Variants in C2orf76 observed in about 807,000 individuals in gnomAD.
C2orf76 encodes the protein chromosome 2 open reading frame 76.
A neutral mutation model predicts 16.9 loss-of-function variants in C2orf76; 23 were observed. The ratio of observed to expected loss-of-function variants is 1.36; its 90% CI spans 0.98 to 1.93. The LOEUF (loss-of-function observed/expected upper bound fraction) is 1.93. Ranked by LOEUF, C2orf76 falls within the 30% of genes most tolerant of loss-of-function variation. C2orf76 has a pLI of 0.00. For missense variants in C2orf76, 152 were observed against 152.6 expected, an observed-to-expected ratio of 1.00 and a Z score of 0.02; for synonymous variants, 48 against 52.3, an observed-to-expected ratio of 0.92 and a Z score of 0.35.
At chr2:119,345,283 G>A (rs1231143513) in intron 1 of C2orf76, among the ~76,000 whole-genome samples, 1 of 152,172 alleles carries the variant, frequency 6.6e-6, no homozygotes, top group East Asian at 1.9e-4. Flanking sequence ...CTAAAGAACT[G>A]AAAGAGAAAC....
chr2:119,283,918 AAAGTTGAGCACAC>A, the C2orf76 span, among the ~76,000 whole-genome samples: 5 of 152,208 alleles, frequency 3.3e-5, no homozygotes, highest in African/African-American at 1.2e-4. Context: ...GACATCCCGG[AAAGTTGAGCACAC>A]AAGCAAGTCC....
intron 4 of C2orf76, 55 bp downstream of exon 4, chr2:119,317,411 T>C: frequency 7.4e-7 from 1 of 1,350,436 alleles, no homozygotes; most frequent in Non-Finnish European, 1.0e-6. Flanking sequence ...TATTCACAAA[T>C]TCAACCAACA....
chr2:119,345,872 T>C (rs1176539473), intron 1 of C2orf76, among the ~76,000 whole-genome samples: 3 of 151,788 alleles, frequency 2.0e-5, no homozygotes, highest in Non-Finnish European at 4.4e-5. Flanking sequence ...CCATCCTGGC[T>C]AACACGGTGA....
chr2:119,342,543 C>T (rs1680065931), intron 1 of C2orf76, among the ~76,000 whole-genome samples: 1 of 151,206 alleles, frequency 6.6e-6, no homozygotes, highest in African/African-American at 2.4e-5. Context: ...ACCCAGGAGA[C>T]GGAGGTTGCA....
chr2:119,362,194 A>G (rs1213348969), intron 1 of C2orf76, among the ~76,000 whole-genome samples: 1 of 152,234 alleles, frequency 6.6e-6, no homozygotes, highest in East Asian at 1.9e-4. Flanking sequence ...ATTCTTTTCT[A>G]GTTTACTTTT....
At chr2:119,312,181 G>T (rs942160104) in intron 4 of C2orf76, among the ~76,000 whole-genome samples, 1 of 152,162 alleles carries the variant, frequency 6.6e-6, no homozygotes, top group African/African-American at 2.4e-5. Context: ...TCCTCACCTG[G>T]TCAGCGACAG....
intron 1 of C2orf76, among the ~76,000 whole-genome samples, chr2:119,351,244 G>T (rs1680392846): frequency 6.6e-6 from 1 of 152,150 alleles, no homozygotes; most frequent in Non-Finnish European, 1.5e-5. Flanking sequence ...CAGCCTGCCT[G>T]AACAAAGCTT....
chr2:119,286,152 G>C, the C2orf76 span, among the ~76,000 whole-genome samples: 2 of 150,116 alleles, frequency 1.3e-5, no homozygotes, highest in Non-Finnish European at 1.5e-5. Context: ...CTTGAACCCA[G>C]GAGGCAGAGG....
At chr2:119,284,541 GCATAC>G in the C2orf76 span, among the ~76,000 whole-genome samples, 1 of 151,964 alleles carries the variant, frequency 6.6e-6, no homozygotes, top group Non-Finnish European at 1.5e-5. Context: ...TTTTATCTGG[GCATAC>G]ATTACCAAAT....
intron 2 of C2orf76, among the ~76,000 whole-genome samples, chr2:119,334,006 T>G (rs1267114966): frequency 6.6e-6 from 1 of 152,152 alleles, no homozygotes; most frequent in Non-Finnish European, 1.5e-5. Context: ...TTGTCCAGTC[T>G]GGGCTCAAAC....
chr2:119,306,303 T>G (rs1211790881), intron 5 of C2orf76, among the ~76,000 whole-genome samples: 1 of 152,034 alleles, frequency 6.6e-6, no homozygotes, highest in Non-Finnish European at 1.5e-5. Flanking sequence ...CCCACAATAT[T>G]AGCTGTACAG....
chr2:119,365,578 A>G (rs1163517171), intron 1 of C2orf76, among the ~76,000 whole-genome samples: 1 of 152,212 alleles, frequency 6.6e-6, no homozygotes, highest in African/African-American at 2.4e-5. Context: ...AGGTGTAGGC[A>G]GGGCAGAGAT....
At chr2:119,331,278 C>A (rs562318428) in intron 2 of C2orf76, among the ~76,000 whole-genome samples, 1 of 152,250 alleles carries the variant, frequency 6.6e-6, no homozygotes, top group Non-Finnish European at 1.5e-5. Context: ...GCTAATTTTG[C>A]TCTACTACTG....
the C2orf76 span, among the ~76,000 whole-genome samples, chr2:119,296,934 G>GA: frequency 6.6e-6 from 1 of 152,220 alleles, no homozygotes; most frequent in African/African-American, 2.4e-5. Context: ...AAGAGTGGCA[G>GA]AAAGTAGGAT....
At chr2:119,349,554 A>C (rs1680315426) in intron 1 of C2orf76, among the ~76,000 whole-genome samples, 1 of 152,174 alleles carries the variant, frequency 6.6e-6, no homozygotes, top group African/African-American at 2.4e-5. Context: ...ATATCCCTCC[A>C]GCTACAATGA....
chr2:119,320,752 T>C (rs1424133377), intron 3 of C2orf76, among the ~76,000 whole-genome samples: 1 of 152,200 alleles, frequency 6.6e-6, no homozygotes, highest in Non-Finnish European at 1.5e-5. Flanking sequence ...TTATAACAAA[T>C]AATGAATGAC....
downstream of C2orf76, among the ~76,000 whole-genome samples, chr2:119,302,007 C>T (rs1309569350): frequency 6.6e-6 from 1 of 151,190 alleles, no homozygotes. Flanking sequence ...ATGTATCACA[C>T]ACCCTGAACT....
chr2:119,291,875 A>G, the C2orf76 span, among the ~76,000 whole-genome samples: 1 of 152,088 alleles, frequency 6.6e-6, no homozygotes, highest in South Asian at 2.1e-4. Flanking sequence ...GGTCACCTTA[A>G]CAAAGTCACA....
At chr2:119,338,477 C>G (rs185242995) in intron 2 of C2orf76, among the ~76,000 whole-genome samples, 2 of 152,138 alleles carry the variant, frequency 1.3e-5, no homozygotes, top group Non-Finnish European at 2.9e-5. Context: ...TGTCACTTCT[C>G]TAAAATTTTA....
Sources: gnomAD v4.1 joint callset for allele counts (sites outside exome capture counted in the v4.1 genomes callset) on GRCh38, gnomAD v4.1.1 for gene constraint, MANE v1.5 for transcripts, NCBI Gene and HGNC (gene_info 2026-07-23, HGNC 2026-07-21) for gene names.